PREP: variants seen among roughly 807,000 people sequenced by gnomAD.
PREP encodes prolyl endopeptidase.
Under a neutral mutation model 87.6 loss-of-function variants are expected in PREP, and 29 were observed. That is an observed-to-expected ratio of 0.33 (90% CI 0.25 to 0.45). PREP has a LOEUF of 0.45. Among genes scored for constraint, PREP ranks in the 20% least tolerant of loss-of-function variants. The pLI, the probability that PREP is intolerant of heterozygous loss-of-function variation, is 1.00. For missense variants in PREP, 695 were observed against 886.5 expected (o/e 0.78, Z 2.74); for synonymous variants, 337 against 328.6 (o/e 1.03, Z -0.28).
intron 11 of PREP, 80 bp downstream of exon 11, chr6:105,288,678 G>C: frequency 6.5e-7 from 1 of 1,540,778 alleles, no homozygotes; most frequent in Non-Finnish European, 8.8e-7. Context: ...TTAGAAAGTT[G>C]ATTTAGTAGA....
chr6:105,375,177 G>A lies in PREP; in HGVS notation c.385+948C>T, dbSNP rs532789133. ...CAGAGGGAGGGGAAGGTGGACCACC[G>A]AATGACTGGATCATGGTTAGAAGTG... On this transcript the variant is annotated intron_variant, in intron 4 of 14. Transcript: ENST00000652536. 4.0e-4 allele frequency among the ~76,000 whole-genome samples: 61 copies of A among 152,218 alleles called. No individual in the cohort carries two copies. The South Asian group carries it at 4.4e-3, about 11-fold the overall frequency.
intron 2 of PREP, among the ~76,000 whole-genome samples, chr6:105,382,270 AACAC>A (rs146759488): frequency 0.019 from 2,756 of 143,062 alleles, 25 homozygotes; most frequent in East Asian, 0.065. Context: ...AAGCGTTCTC[AACAC>A]ACACACACAC....
chr6:105,331,519 TA>T (rs1771335077), intron 8 of PREP, among the ~76,000 whole-genome samples: 1 of 152,192 alleles, frequency 6.6e-6, no homozygotes, highest in South Asian at 2.1e-4. Context: ...CTGGAGCACC[TA>T]TATGAAGACT....
At chr6:105,339,969 C>A (rs1302375466) in intron 7 of PREP, among the ~76,000 whole-genome samples, 1 of 152,152 alleles carries the variant, frequency 6.6e-6, no homozygotes. Flanking sequence ...AAACACTCTG[C>A]AGGATATTAT....
In PREP at chr6:105,278,527, C is replaced by T; in HGVS notation, c.1839-89G>A. The T allele has an allele frequency of 7.6e-7, 1 of 1,317,820 alleles. No homozygotes were observed. The highest frequency in any genetic ancestry group is 1.1e-6 in the Non-Finnish European group (1 of 948,138). The allele number at this position is 1,317,820 out of a possible 1,614,324, so 81.6% of individuals were successfully genotyped here. On this transcript the variant is annotated intron_variant, in intron 14 of 14. Transcript: ENST00000652536. The surrounding 1 kb of genome is among the most constrained non-coding windows in gnomAD (Gnocchi z 4.2). ...CTAGGTAGTTAATTAGCAGTGAGGA[C>T]TGCAGTTAACTAGTACGTGAGTGAC...
chr6:105,320,347 G>C (rs1245580108), intron 10 of PREP, among the ~76,000 whole-genome samples: 2 of 152,180 alleles, frequency 1.3e-5, no homozygotes, highest in Admixed American at 1.3e-4. Flanking sequence ...TCTACCCACA[G>C]CTATAATCAG....
chr6:105,382,898 AG>A (rs1304633217), intron 2 of PREP, among the ~76,000 whole-genome samples: 1 of 152,236 alleles, frequency 6.6e-6, no homozygotes, highest in African/African-American at 2.4e-5. Context: ...TAACAGATAT[AG>A]GACTTGGTTA....
intron 10 of PREP, among the ~76,000 whole-genome samples, chr6:105,304,369 C>A (rs1392205456): frequency 1.3e-5 from 2 of 152,144 alleles, no homozygotes; most frequent in Non-Finnish European, 2.9e-5. Context: ...CTACGAATAC[C>A]CCCACTTTTC....
intron 10 of PREP, among the ~76,000 whole-genome samples, chr6:105,322,095 G>A (rs963108632): frequency 4.6e-5 from 7 of 152,122 alleles, no homozygotes; most frequent in Admixed American, 2.0e-4. Context: ...AAAAAAAAGA[G>A]CAAAGAATGC....
intron 10 of PREP, chr6:105,323,228 CTG>C (rs1416812127): frequency 3.5e-6 from 3 of 863,072 alleles, no homozygotes; most frequent in African/African-American, 1.8e-5. Flanking sequence ...AGTGTCTACT[CTG>C]TGTCATGCAG....
intron 5 of PREP, among the ~76,000 whole-genome samples, chr6:105,372,311 T>C (rs551830417): frequency 6.6e-6 from 1 of 152,254 alleles, no homozygotes; most frequent in Admixed American, 6.5e-5. Flanking sequence ...CTGGAGTAGC[T>C]GTGCTTCTTG....
chr6:105,340,769 A>C (rs1371505033), intron 7 of PREP, among the ~76,000 whole-genome samples: 1 of 152,348 alleles, frequency 6.6e-6, no homozygotes, highest in East Asian at 1.9e-4. Context: ...ACTTTAAACC[A>C]ACAAAGATCA....
intron 10 of PREP, among the ~76,000 whole-genome samples, chr6:105,321,210 AT>A (rs1770997169): frequency 6.6e-6 from 1 of 152,232 alleles, no homozygotes; most frequent in Non-Finnish European, 1.5e-5. Flanking sequence ...GCAAAGTTGC[AT>A]TTTCTAAATA....
intron 7 of PREP, among the ~76,000 whole-genome samples, chr6:105,334,362 C>G (rs1771424783): frequency 6.6e-6 from 1 of 152,084 alleles, no homozygotes; most frequent in African/African-American, 2.4e-5. Context: ...TTAATCGGCA[C>G]CCAGTTTGTT....
intron 2 of PREP, among the ~76,000 whole-genome samples, chr6:105,385,483 A>G (rs1772968229): frequency 6.6e-6 from 1 of 152,170 alleles, no homozygotes; most frequent in Non-Finnish European, 1.5e-5. Flanking sequence ...GAAATGAATA[A>G]TTTACTAAGA....
chr6:105,300,056 C>T (rs1373045317), intron 10 of PREP, among the ~76,000 whole-genome samples: 1 of 152,052 alleles, frequency 6.6e-6, no homozygotes, highest in African/African-American at 2.4e-5. Context: ...ACCACCACAC[C>T]CGGGTAACTT....
At chr6:105,324,734 CCTTT>C (rs1201071919) in intron 9 of PREP, among the ~76,000 whole-genome samples, 3 of 152,184 alleles carry the variant, frequency 2.0e-5, no homozygotes, top group East Asian at 1.9e-4. Context: ...AAATGTCAGT[CCTTT>C]CTTTCTTCTC....
intron 6 of PREP, among the ~76,000 whole-genome samples, chr6:105,360,633 T>C (rs761806414): frequency 6.6e-6 from 1 of 152,202 alleles, no homozygotes; most frequent in Non-Finnish European, 1.5e-5. Flanking sequence ...ATGTATAAAA[T>C]ACATATTTTA....
At chr6:105,353,771 CAAAAAAAAA>C (rs397824826) in intron 6 of PREP, among the ~76,000 whole-genome samples, 104 of 71,078 alleles carry the variant, frequency 1.5e-3, no homozygotes, top group African/African-American at 4.3e-3. Context: ...GACTCCATCT[CAAAAAAAAA>C]AAAAAAAAAA....
Sources: gnomAD v4.1 joint callset for allele counts (sites outside exome capture counted in the v4.1 genomes callset) on GRCh38, gnomAD v4.1.1 for gene constraint, Gnocchi (gnomAD v3.1) non-coding constraint, MANE v1.5 for transcripts, NCBI Gene and HGNC (gene_info 2026-07-23, HGNC 2026-07-21) for gene names.